The following PCDH15 variants were observed in gnomAD, a reference collection of about 807,000 sequenced individuals.
PCDH15 encodes protocadherin-15.
PCDH15 carries 129 observed loss-of-function variants against 178.5 expected under a neutral mutation model. The ratio of observed to expected loss-of-function variants is 0.72; its 90% confidence interval spans 0.63 to 0.84. PCDH15 has a LOEUF of 0.84. Among genes scored for constraint, PCDH15 ranks in the 40% least tolerant of loss-of-function variants. The pLI is 0.00. For missense variants in PCDH15, 2,230 were observed against 2,099.9 expected, an observed-to-expected ratio of 1.06 and a Z score of -1.21; for synonymous variants, 800 against 732.0, an observed-to-expected ratio of 1.09 and a Z score of -1.50.
At chr10:53,977,063 T>A (rs2090241686) in intron 21 of PCDH15, among the ~76,000 whole-genome samples, 1 of 152,062 alleles carries the variant, frequency 6.6e-6, no homozygotes, top group Admixed American at 6.6e-5. Context: ...TAGTTACATT[T>A]CTTCTCTGCA....
Position 54,317,254 on chromosome 10 carries a change from GATAAGAGT to G in PCDH15, c.876+9_876+16del. The G allele has an allele frequency of 6.2e-7, 1 of 1,608,786 alleles. No homozygotes were observed. The highest frequency in any genetic ancestry group is 8.5e-7 in the Non-Finnish European group (1 of 1,175,322). ...TAAAACATGCAAATAAATGGAGAAAGATAAGAGTATATTTACCGGAGTTCTCAACTCAG... is the reference window on the plus strand; with the variant it reads ...TAAAACATGCAAATAAATGGAGAAAGATATTTACCGGAGTTCTCAACTCAG... On this transcript the variant is annotated intron_variant, in intron 8 of 37. Transcript: ENST00000644397.
At chr10:54,132,682 A>T (rs1316843687) in intron 15 of PCDH15, among the ~76,000 whole-genome samples, 193 bp downstream of exon 15, 3 of 152,236 alleles carry the variant, frequency 2.0e-5, no homozygotes, top group African/African-American at 7.2e-5. Context: ...GGCGATCAAT[A>T]GAATAGATTA....
At chr10:54,150,284 T>C (rs2044390875) in intron 14 of PCDH15, among the ~76,000 whole-genome samples, 3 of 152,082 alleles carry the variant, frequency 2.0e-5, no homozygotes. Context: ...AAAATGTAAA[T>C]GAGAATCTAA....
intron 2 of PCDH15, among the ~76,000 whole-genome samples, chr10:55,122,812 T>C (rs1837803066): frequency 6.6e-6 from 1 of 152,108 alleles, no homozygotes; most frequent in African/African-American, 2.4e-5. Flanking sequence ...CAAATACAAA[T>C]ATGTATGCCA....
At chr10:55,312,250 C>A (rs1249653243) in intron 1 of PCDH15, among the ~76,000 whole-genome samples, 2 of 151,982 alleles carry the variant, frequency 1.3e-5, no homozygotes, top group Non-Finnish European at 2.9e-5. Flanking sequence ...ACTCATGCAT[C>A]CTAGAGGTTT....
chr10:55,582,635 T>A (rs1222075445), intron 2 of PCDH15, among the ~76,000 whole-genome samples: 1 of 141,910 alleles, frequency 7.0e-6, no homozygotes, highest in African/African-American at 2.6e-5. Flanking sequence ...TATATTTTTT[T>A]TTTTTTGCTA....
chr10:53,851,848 A>C (rs1344883871), intron 28 of PCDH15, among the ~76,000 whole-genome samples: 1 of 151,380 alleles, frequency 6.6e-6, no homozygotes, highest in Non-Finnish European at 1.5e-5. Flanking sequence ...TAGATTGATT[A>C]CACAGCACAT....
intron 1 of PCDH15, among the ~76,000 whole-genome samples, chr10:54,779,406 G>GTATA (rs60576217): frequency 9.3e-6 from 1 of 107,014 alleles, no homozygotes; most frequent in African/African-American, 3.9e-5. Context: ...ATATATATAT[G>GTATA]TATATATATA....
chr10:54,873,641 A>G (rs1251730434), intron 3 of PCDH15, among the ~76,000 whole-genome samples: 2 of 146,030 alleles, frequency 1.4e-5, no homozygotes, highest in Non-Finnish European at 3.0e-5. Context: ...GTTCTCTCCA[A>G]ATTACCTTGA....
intron 1 of PCDH15, among the ~76,000 whole-genome samples, chr10:54,731,571 C>CACATACACAT: frequency 1.0e-5 from 1 of 98,430 alleles, no homozygotes; most frequent in African/African-American, 3.9e-5. Flanking sequence ...TATACACACA[C>CACATACACAT]ACACACACAC....
intron 3 of PCDH15, among the ~76,000 whole-genome samples, chr10:54,442,414 C>CTCTATATA (rs1491511066): frequency 5.2e-5 from 1 of 19,164 alleles, no homozygotes; most frequent in African/African-American, 2.0e-4. Flanking sequence ...GCCTTAAAGG[C>CTCTATATA]TATATATATA....
intron 2 of PCDH15, among the ~76,000 whole-genome samples, chr10:54,922,521 T>G (rs774297533): frequency 1.2e-4 from 18 of 151,954 alleles, no homozygotes; most frequent in Non-Finnish European, 2.1e-4. Flanking sequence ...GACTTTTGAG[T>G]TAATGCTGGA....
chr10:54,806,917 C>A (rs992210478), intron 3 of PCDH15, among the ~76,000 whole-genome samples: 1 of 152,104 alleles, frequency 6.6e-6, no homozygotes, highest in East Asian at 1.9e-4. Flanking sequence ...TTCAAGGCCA[C>A]CAGGAGAAGC....
In PCDH15 at chr10:54,131,251, T is replaced by C. The variant is rs185003218; in HGVS notation, c.1917+1624A>G. Among the ~76,000 whole-genome samples the C allele has an allele frequency of 3.6e-4, 55 of 152,280 alleles. No individual in the cohort carries two copies. In the East Asian group the frequency reaches 0.01, roughly 29 times the overall value. On this transcript the variant is annotated intron_variant, in intron 15 of 37. Transcript: ENST00000644397. ...TGTCTTACTTCATAGAAAGTTAAAT[T>C]ACATAAAGGCACATACTTGACAAAT...
intron 21 of PCDH15, 140 bp from the exon 22 acceptor site, chr10:53,962,032 A>C (rs1228853539): frequency 7.2e-6 from 5 of 691,934 alleles, no homozygotes; most frequent in Middle Eastern, 4.1e-4. Context: ...TTCAGAGCTG[A>C]AATGTAGCCA....
chr10:54,520,881 G>T (rs1027962510), intron 3 of PCDH15, among the ~76,000 whole-genome samples: 1 of 151,598 alleles, frequency 6.6e-6, no homozygotes, highest in Non-Finnish European at 1.5e-5. Flanking sequence ...ATACTATGCA[G>T]CCATAAAAAA....
intron 2 of PCDH15, among the ~76,000 whole-genome samples, chr10:54,938,673 T>C (rs73265962): frequency 0.051 from 7,822 of 152,200 alleles, 644 homozygotes; most frequent in African/African-American, 0.18. Context: ...ACAGAAACTG[T>C]TGATATGTTA....
intron 3 of PCDH15, among the ~76,000 whole-genome samples, chr10:54,831,040 T>C (rs1357229235): frequency 6.6e-6 from 1 of 152,098 alleles, no homozygotes; most frequent in African/African-American, 2.4e-5. Context: ...TTATGGAAAG[T>C]TAATTTACTC....
intron 2 of PCDH15, among the ~76,000 whole-genome samples, chr10:54,971,971 TGTC>T (rs1838944484): frequency 6.6e-6 from 1 of 152,176 alleles, no homozygotes; most frequent in Admixed American, 6.5e-5. Context: ...GGCAGGACAC[TGTC>T]GATTCCCTGA....
Sources: allele counts gnomAD v4.1 joint callset (sites outside exome capture counted in the v4.1 genomes callset), GRCh38; gene constraint gnomAD v4.1.1; transcripts MANE v1.5; gene names NCBI Gene and HGNC (gene_info 2026-07-23, HGNC 2026-07-21).